The following LAMA3 variants were observed in gnomAD, a reference collection of about 807,000 sequenced individuals.
LAMA3 encodes laminin subunit alpha-3.
Under a neutral mutation model 402.0 loss-of-function variants are expected in LAMA3, and 281 were observed. That is an observed-to-expected ratio of 0.70 (90% CI 0.63 to 0.77). The LOEUF is 0.77. LAMA3 is among the 30% of genes least tolerant of loss of function. LAMA3 has a pLI of 0.00. For missense variants in LAMA3, 3,840 were observed against 4,215.5 expected (o/e 0.91, Z 2.47); for synonymous variants, 1,431 against 1,558.4 (o/e 0.92, Z 1.93).
At chr18:23,718,503 A>C (rs913465094) in intron 2 of LAMA3, among the ~76,000 whole-genome samples, 2 of 152,200 alleles carry the variant, frequency 1.3e-5, no homozygotes, top group Non-Finnish European at 2.9e-5. Flanking sequence ...TTAGTAGTAA[A>C]AATAAACAAA....
Position 23,727,200 on chromosome 18 carries a change from A to G in LAMA3, c.447+13128A>G, listed in dbSNP as rs147587875. Among the ~76,000 whole-genome samples the G allele has an allele frequency of 2.6e-3, 389 of 152,370 alleles. 2 individuals are homozygous for G. Among genetic ancestry groups the G allele is most frequent in the African/African-American group, 9.1e-3 (378 of 41,588 alleles). On this transcript the variant is annotated intron_variant, in intron 2 of 74. Transcript: ENST00000313654. ...AAAGTTGGAAATAAAACCTAAAGAC[A>G]TACAAAATATAAGCCTCATTTAAAA...
At chr18:23,820,547 C>T (rs1436911759) in intron 19 of LAMA3, among the ~76,000 whole-genome samples, 1 of 152,134 alleles carries the variant, frequency 6.6e-6, no homozygotes, top group Non-Finnish European at 1.5e-5. Context: ...CTTCATTCTT[C>T]TCTACTGCAT....
At position 23,915,375 on chromosome 18, in the gene LAMA3, C is replaced by T; in HGVS notation, c.7731C>T (p.Phe2577=). The T allele has an allele frequency of 6.2e-7, 1 of 1,613,504 alleles. No homozygotes were observed. Among genetic ancestry groups the T allele is most frequent in the Non-Finnish European group, 8.5e-7 (1 of 1,179,634 alleles). The change falls in exon 59 of 75, where the codon TTC becomes TTT. Residue 2577 remains phenylalanine (F), a synonymous_variant. Coordinates refer to ENST00000313654, the MANE Select transcript of LAMA3 (RefSeq NM_198129.4). ...AAAATGTTCTGAGCTTGTACAACTT[C>T]AAAAAAACATTCAATCTCAACACAA... The part of the protein sequence containing the change: ...LNENVLSLYN[F]KKTFNLNTTE...
At chr18:23,773,735 A>T in intron 9 of LAMA3, 148 bp downstream of exon 9, 1 of 664,656 alleles carries the variant, frequency 1.5e-6, no homozygotes, top group Non-Finnish European at 2.7e-6. Context: ...TCAGTCACTT[A>T]CACAGTCTCT....
intron 1 of LAMA3, among the ~76,000 whole-genome samples, chr18:23,693,158 G>A (rs2060623966): frequency 6.6e-6 from 1 of 152,134 alleles, no homozygotes; most frequent in Non-Finnish European, 1.5e-5. Flanking sequence ...AGCTTGGCCA[G>A]CATGGTGAAA....
chr18:23,737,899 C>T (rs2061501643), intron 2 of LAMA3, among the ~76,000 whole-genome samples: 2 of 152,228 alleles, frequency 1.3e-5, no homozygotes, highest in African/African-American at 2.4e-5. Flanking sequence ...CCCAGAGGGA[C>T]CGCTCAGCGG....
chr18:23,944,852 T>C (rs937329393), intron 69 of LAMA3, among the ~76,000 whole-genome samples: 6 of 152,318 alleles, frequency 3.9e-5, no homozygotes, highest in Middle Eastern at 3.4e-3. Flanking sequence ...TTAAAACTCT[T>C]GGCCAGGCGC....
At chr18:23,910,714 A>G (rs560011321) in intron 55 of LAMA3, among the ~76,000 whole-genome samples, 3 of 152,102 alleles carry the variant, frequency 2.0e-5, no homozygotes, top group South Asian at 2.1e-4. Context: ...GATTTTTTTT[A>G]AAAAAAGCCA....
At chr18:23,894,096 G>A (rs1030715261) in intron 42 of LAMA3, among the ~76,000 whole-genome samples, 1 of 151,872 alleles carries the variant, frequency 6.6e-6, no homozygotes, top group Non-Finnish European at 1.5e-5. Flanking sequence ...AAGAGCTAGC[G>A]ATGCTGGGTA....
intron 41 of LAMA3, 69 bp from the exon 42 acceptor site, chr18:23,889,942 T>C (rs2080595808): frequency 1.8e-6 from 2 of 1,141,244 alleles, no homozygotes; most frequent in African/African-American, 3.1e-5. Flanking sequence ...GAGCTAGAGA[T>C]TGAGAAAATT....
At chr18:23,719,953 T>C (rs921227594) in intron 2 of LAMA3, among the ~76,000 whole-genome samples, 1 of 152,242 alleles carries the variant, frequency 6.6e-6, no homozygotes, top group African/African-American at 2.4e-5. Context: ...TGAGGAATTG[T>C]GTAGACTATA....
At position 23,698,686 on chromosome 18, in the gene LAMA3, C is replaced by A. The variant is rs144064993; in HGVS notation, c.294+8709C>A. ...TTCCAATCAACTAATAAGAATGGTG[C>A]TGCCTGGAGACAAGCGTGCCCACGC... is the stretch of plus-strand genomic sequence containing the variant. On this transcript the variant is annotated intron_variant, in intron 1 of 74. Transcript: ENST00000313654. Among the ~76,000 whole-genome samples the A allele has an allele frequency of 5.5e-3, 833 of 152,354 alleles. 7 individuals are homozygous for A. The highest frequency in any genetic ancestry group is 0.019 in the African/African-American group (776 of 41,594).
chr18:23,846,749 A>C (rs1277715585), intron 31 of LAMA3, among the ~76,000 whole-genome samples: 1 of 152,188 alleles, frequency 6.6e-6, no homozygotes, highest in East Asian at 1.9e-4. Context: ...CTAGAAGATA[A>C]GTATTTGTGA....
chr18:23,761,725 T>C (rs2061973831), intron 7 of LAMA3, among the ~76,000 whole-genome samples: 1 of 152,246 alleles, frequency 6.6e-6, no homozygotes, highest in Non-Finnish European at 1.5e-5. Flanking sequence ...TGAAATTTTA[T>C]TTTATTGAAT....
At position 23,954,474 on chromosome 18, in the gene LAMA3, ACTGAATG is replaced by A. The variant is rs749501945; in HGVS notation, c.9857-27_9857-21del. On this transcript the variant is annotated intron_variant, in intron 74 of 74. Transcript: ENST00000313654. ...AGTCCCTGGACAGTATGAATTATTT[ACTGAATG>A]CCTCTCCACTTTCTCTTTCAGCCAA... 1.3e-5 allele frequency: 21 copies of A among 1,602,594 alleles called. No homozygotes were observed. In the African/African-American group the frequency reaches 2.2e-4, roughly 16 times the overall value.
At position 23,847,528 on chromosome 18, in the gene LAMA3, G is replaced by A. The variant is rs755660853; in HGVS notation, c.3996G>A (p.Thr1332=). 29 of 1,613,876 alleles carry A rather than the reference G, an allele frequency of 1.8e-5. No homozygotes were observed. The highest frequency in any genetic ancestry group is 6.7e-5 in the African/African-American group (5 of 74,940). The change falls in exon 32 of 75, where the codon ACG becomes ACA. Residue 1332 remains threonine (T), a synonymous_variant. Transcript: ENST00000313654. ...MTGQCRCPPR[T]VRPQCEVCET... is the part of the protein sequence containing the mutation. ...GGCAGTGCCGCTGCCCTCCCCGCACGGTCAGGCCCCAGTGTGAGGTGTGTG... is the reference window on the plus strand; with the variant it reads ...GGCAGTGCCGCTGCCCTCCCCGCACAGTCAGGCCCCAGTGTGAGGTGTGTG...
At chr18:23,700,611 A>G (rs1291630936) in intron 1 of LAMA3, among the ~76,000 whole-genome samples, 1 of 152,234 alleles carries the variant, frequency 6.6e-6, no homozygotes. Flanking sequence ...AAATGGGGAC[A>G]CCATACAGTT....
At chr18:23,718,064 G>A (rs1241789058) in intron 2 of LAMA3, among the ~76,000 whole-genome samples, 1 of 152,108 alleles carries the variant, frequency 6.6e-6, no homozygotes, top group Non-Finnish European at 1.5e-5. Flanking sequence ...CAGATATAAT[G>A]AGTTCATTTT....
chr18:23,766,576 G>A (rs2062079319), intron 8 of LAMA3, among the ~76,000 whole-genome samples: 2 of 152,190 alleles, frequency 1.3e-5, no homozygotes, highest in African/African-American at 2.4e-5. Flanking sequence ...GGTGGCTCAT[G>A]CCTGTAATCC....
Sources: allele counts gnomAD v4.1 joint callset (sites outside exome capture counted in the v4.1 genomes callset), GRCh38; gene constraint gnomAD v4.1.1; transcripts MANE v1.5; gene names NCBI Gene and HGNC (gene_info 2026-07-23, HGNC 2026-07-21).